Variants in SYBU observed in about 807,000 individuals in gnomAD.
SYBU encodes the protein GOLSYN A protein.
A neutral mutation model predicts 35.9 loss-of-function variants in SYBU; 21 were observed. The ratio of observed to expected loss-of-function variants is 0.58; its 90% confidence interval spans 0.41 to 0.84. The LOEUF (loss-of-function observed/expected upper bound fraction) is 0.84. Among genes scored for constraint, SYBU ranks in the 40% least tolerant of loss-of-function variants. The pLI is 0.00. For synonymous variants in SYBU, 319 were observed against 324.3 expected, an observed-to-expected ratio of 0.98 and a Z score of 0.18; for missense variants, 768 against 848.2, an observed-to-expected ratio of 0.91 and a Z score of 1.17.
At chr8:109,673,688 G>A (rs1043681937) in intron 1 of SYBU, among the ~76,000 whole-genome samples, 12 of 152,098 alleles carry the variant, frequency 7.9e-5, no homozygotes, top group African/African-American at 2.2e-4. Context: ...TATATTTGAC[G>A]AATTGACAGA....
chr8:109,632,507 G>C (rs993569279), intron 2 of SYBU, among the ~76,000 whole-genome samples: 1 of 152,050 alleles, frequency 6.6e-6, no homozygotes. Context: ...TCAAGATAGA[G>C]TAAGGGATAA....
chr8:109,608,440 G>A (rs1390249228), intron 3 of SYBU, among the ~76,000 whole-genome samples: 8 of 151,986 alleles, frequency 5.3e-5, no homozygotes, highest in Admixed American at 4.6e-4. Context: ...AAAAATTCTT[G>A]GTGTACTCCA....
intron 3 of SYBU, among the ~76,000 whole-genome samples, chr8:109,608,875 A>G (rs1451708930): frequency 6.6e-6 from 1 of 152,220 alleles, no homozygotes; most frequent in Non-Finnish European, 1.5e-5. Context: ...TTTTGCTAAG[A>G]TAGAGGATGT....
chr8:109,575,453 A>G lies in SYBU; in HGVS notation c.1445T>C (p.Val482Ala), dbSNP rs1268906549. 1 of 1,613,944 alleles carries G rather than the reference A, an allele frequency of 6.2e-7. No homozygotes were observed. The highest frequency in any genetic ancestry group is 8.5e-7 in the Non-Finnish European group (1 of 1,180,000). Residue 482 changes from valine (V) to alanine (A), a missense_variant, in exon 7 of 7, where the codon GTG (valine) becomes GCG (alanine). Coordinates refer to ENST00000276646, the MANE Select transcript of SYBU (RefSeq NM_001099754.2). ...PIVMGQEEGSVVVERAVQTDV... is the reference protein window; with the variant it reads ...PIVMGQEEGSAVVERAVQTDV... The stretch of plus-strand genomic sequence containing the variant: ...GGTCTGAACGGCTCGCTCCACCACC[A>G]CACTGCCCTCCTCCTGACCCATGAC...
chr8:109,619,043 G>C lies in SYBU; in HGVS notation c.230-4C>G. Reference sequence around the variant, plus strand: ...CTGCTAGGACAGCCTGTGTCATCTAGAAGACAGGAATCAATAAGTGTTTAA... The same window carrying C: ...CTGCTAGGACAGCCTGTGTCATCTACAAGACAGGAATCAATAAGTGTTTAA... On this transcript the variant is annotated splice_region_variant and splice_polypyrimidine_tract_variant and intron_variant, in intron 2 of 6. Transcript: ENST00000276646. 6.2e-7 allele frequency: 1 copy of C among 1,611,262 alleles called. No homozygotes were observed. Among genetic ancestry groups the C allele is most frequent in the South Asian group, 1.1e-5 (1 of 90,996 alleles).
intron 1 of SYBU, among the ~76,000 whole-genome samples, chr8:109,669,811 T>C (rs1416977190): frequency 1.3e-5 from 2 of 152,240 alleles, no homozygotes; most frequent in African/African-American, 4.8e-5. Flanking sequence ...GTTCAAGCGA[T>C]ATTGACATAA....
chr8:109,683,523 T>C (rs760266669), upstream of SYBU, among the ~76,000 whole-genome samples: 1 of 152,194 alleles, frequency 6.6e-6, no homozygotes, highest in Non-Finnish European at 1.5e-5. Flanking sequence ...TTACTTGCTT[T>C]TAATTTTGCA....
At chr8:109,621,361 TTAACCTGG>T (rs2130393725) in intron 2 of SYBU, among the ~76,000 whole-genome samples, 1 of 152,332 alleles carries the variant, frequency 6.6e-6, no homozygotes. Flanking sequence ...GTAGCAATTT[TTAACCTGG>T]AGTGTGATGC....
intron 1 of SYBU, among the ~76,000 whole-genome samples, chr8:109,653,450 G>A (rs1792373018): frequency 6.6e-6 from 1 of 151,982 alleles, no homozygotes; most frequent in Non-Finnish European, 1.5e-5. Context: ...TGTCTCCCAT[G>A]GTGGATTCAA....
chr8:109,670,326 C>T (rs1302582111), intron 1 of SYBU, among the ~76,000 whole-genome samples: 3 of 150,982 alleles, frequency 2.0e-5, no homozygotes, highest in South Asian at 2.1e-4. Context: ...TATACATGCG[C>T]CATGTTGGTG....
intron 2 of SYBU, among the ~76,000 whole-genome samples, chr8:109,623,627 CCT>C (rs1194395233): frequency 2.0e-5 from 3 of 152,084 alleles, no homozygotes; most frequent in African/African-American, 7.2e-5. Flanking sequence ...ATCTATATTT[CCT>C]CTCTCTTTAC....
intron 3 of SYBU, chr8:109,608,034 A>G: frequency 7.7e-7 from 1 of 1,307,064 alleles, no homozygotes; most frequent in South Asian, 1.4e-5. Context: ...AGTAGAGTAC[A>G]GTCTCAGAGT....
chr8:109,577,748 T>A (rs1647447197), intron 6 of SYBU, 120 bp downstream of exon 6: 1 of 1,161,338 alleles, frequency 8.6e-7, no homozygotes, highest in Admixed American at 2.7e-5. Context: ...CTTTAAAAAT[T>A]TGACCAAAAT....
chr8:109,616,175 C>T (rs761737888), intron 3 of SYBU, among the ~76,000 whole-genome samples: 3 of 151,604 alleles, frequency 2.0e-5, no homozygotes, highest in South Asian at 4.2e-4. Flanking sequence ...CCACGCCTGG[C>T]TAATTTTTGT....
intron 1 of SYBU, chr8:109,643,147 GCACACACACACA>G: frequency 1.8e-6 from 2 of 1,141,530 alleles, no homozygotes; most frequent in Non-Finnish European, 2.2e-6. Flanking sequence ...TGTCTGTGTG[GCACACACACACA>G]CACACACACA....
At chr8:109,680,343 A>G (rs1817356214) in intron 1 of SYBU, 1 of 152,246 alleles carries the variant, frequency 6.6e-6, no homozygotes, top group South Asian at 2.1e-4. Context: ...CTCCTGGTCA[A>G]TCGGATCAGA....
intron 3 of SYBU, among the ~76,000 whole-genome samples, chr8:109,593,856 C>G (rs747234723): frequency 1.6e-4 from 24 of 152,172 alleles, no homozygotes; most frequent in Non-Finnish European, 3.1e-4. Flanking sequence ...TTTCACCCAA[C>G]AGGTCTGGGA....
intron 3 of SYBU, among the ~76,000 whole-genome samples, chr8:109,618,447 A>G (rs1395491730): frequency 6.6e-6 from 1 of 152,210 alleles, no homozygotes; most frequent in Non-Finnish European, 1.5e-5. Context: ...CCAGCTCTAC[A>G]GAGATTTGCA....
chr8:109,656,045 A>G (rs1381394353), intron 1 of SYBU, among the ~76,000 whole-genome samples: 1 of 152,064 alleles, frequency 6.6e-6, no homozygotes, highest in African/African-American at 2.4e-5. Context: ...GAACCCAGGA[A>G]GCGGAGGTTG....
Sources: allele counts gnomAD v4.1 joint callset (sites outside exome capture counted in the v4.1 genomes callset), GRCh38; gene constraint gnomAD v4.1.1; transcripts MANE v1.5; gene names NCBI Gene and HGNC (gene_info 2026-07-23, HGNC 2026-07-21).